NCAM2: variants seen among roughly 807,000 people sequenced by gnomAD.
NCAM2 encodes neural cell adhesion molecule 2.
A neutral mutation model predicts 98.1 loss-of-function variants in NCAM2; 30 were observed. That is an observed-to-expected ratio of 0.31 (90% CI 0.23 to 0.41). The LOEUF is 0.41. Among genes scored for constraint, NCAM2 ranks in the 10% least tolerant of loss-of-function variants. The pLI is 1.00. For missense variants in NCAM2, 867 were observed against 1,005.8 expected (o/e 0.86, Z 1.87); for synonymous variants, 368 against 342.4 (o/e 1.07, Z -0.83).
chr21:21,062,046 T>A (rs1242306193), intron 1 of NCAM2, among the ~76,000 whole-genome samples: 1 of 152,154 alleles, frequency 6.6e-6, no homozygotes, highest in African/African-American at 2.4e-5. Context: ...ACTTAAATGA[T>A]AAAGGGAGGT....
At chr21:21,163,275 G>C (rs1446865823) in intron 1 of NCAM2, among the ~76,000 whole-genome samples, 1 of 152,074 alleles carries the variant, frequency 6.6e-6, no homozygotes, top group Non-Finnish European at 1.5e-5. Context: ...ATTACCTGTA[G>C]GAGAGAGCAG....
chr21:21,106,406 G>T (rs1849009619), intron 1 of NCAM2, among the ~76,000 whole-genome samples: 1 of 149,200 alleles, frequency 6.7e-6, no homozygotes, highest in African/African-American at 2.5e-5. Context: ...TCTTTATTTA[G>T]AGATTCTTTG....
intron 1 of NCAM2, among the ~76,000 whole-genome samples, chr21:21,016,640 A>G (rs1255681721): frequency 1.3e-5 from 2 of 152,168 alleles, no homozygotes; most frequent in East Asian, 3.9e-4. Flanking sequence ...AGGTAAGGCT[A>G]TTAACTTGCT....
chr21:21,236,615 C>G (rs558370163), intron 1 of NCAM2, among the ~76,000 whole-genome samples: 2 of 152,164 alleles, frequency 1.3e-5, no homozygotes, highest in South Asian at 4.1e-4. Context: ...ATAATAGTCT[C>G]CAAATATCCA....
At chr21:21,291,860 A>T (rs2147574045) in intron 4 of NCAM2, among the ~76,000 whole-genome samples, 1 of 151,554 alleles carries the variant, frequency 6.6e-6, no homozygotes, top group East Asian at 2.0e-4. Flanking sequence ...TTTTATGTGG[A>T]TATAAAGTCT....
intron 1 of NCAM2, among the ~76,000 whole-genome samples, chr21:21,127,597 C>T (rs2066854134): frequency 6.6e-6 from 1 of 151,958 alleles, no homozygotes; most frequent in South Asian, 2.1e-4. Flanking sequence ...ATTAACCAAC[C>T]TCTCTTCATT....
At chr21:21,122,212 CTT>C (rs775704628) in intron 1 of NCAM2, among the ~76,000 whole-genome samples, 6 of 152,116 alleles carry the variant, frequency 3.9e-5, no homozygotes, top group African/African-American at 1.2e-4. Context: ...AATTTGATAA[CTT>C]AATATTTTAA....
chr21:21,169,026 T>G (rs2146830762), intron 1 of NCAM2, among the ~76,000 whole-genome samples: 1 of 152,286 alleles, frequency 6.6e-6, no homozygotes, highest in South Asian at 2.1e-4. Context: ...GACTCCATTA[T>G]TAGACTTTAA....
chr21:21,343,350 TATACAC>T (rs202161845), intron 8 of NCAM2, among the ~76,000 whole-genome samples: 2,120 of 77,988 alleles, frequency 0.027, 29 homozygotes, highest in Non-Finnish European at 0.031. Flanking sequence ...AACAACTATC[TATACAC>T]ATACACACAC....
rs1056245779 is a variant in NCAM2 at position 21,447,812 on chromosome 21, A to G, written c.1654+15531A>G. Among the ~76,000 whole-genome samples the G allele has an allele frequency of 3.3e-5, 5 of 152,208 alleles. No individual in the cohort carries two copies. In the East Asian group the frequency reaches 7.7e-4, roughly 23 times the overall value. ...GAATAAAAGCTTAACATCACTGATC[A>G]TTAGAGAAATGCAAATCAAAACCAT... On this transcript the variant is annotated intron_variant, in intron 12 of 17. Coordinates refer to ENST00000400546, the MANE Select transcript of NCAM2 (RefSeq NM_004540.5).
chr21:21,205,214 A>G (rs570545277), intron 1 of NCAM2, among the ~76,000 whole-genome samples: 160 of 152,296 alleles, frequency 1.1e-3, no homozygotes, highest in African/African-American at 3.7e-3. Flanking sequence ...CAAACTGAAC[A>G]TTTGTTTATT....
chr21:21,451,693 A>G (rs1981096559), intron 12 of NCAM2, among the ~76,000 whole-genome samples: 3 of 152,152 alleles, frequency 2.0e-5, no homozygotes, highest in Non-Finnish European at 4.4e-5. Flanking sequence ...CCCCTTGGTG[A>G]CAGGACAAGC....
At chr21:21,014,443 T>C (rs2146152716) in intron 1 of NCAM2, among the ~76,000 whole-genome samples, 1 of 151,154 alleles carries the variant, frequency 6.6e-6, no homozygotes, top group Non-Finnish European at 1.5e-5. Flanking sequence ...AAAAAAAAAT[T>C]ATGCCAAATC....
At chr21:21,519,015 C>G (rs1247665594) in intron 16 of NCAM2, among the ~76,000 whole-genome samples, 1 of 152,048 alleles carries the variant, frequency 6.6e-6, no homozygotes, top group Non-Finnish European at 1.5e-5. Flanking sequence ...AATCAAGGGA[C>G]AGAACATTCT....
chr21:21,411,797 T>A (rs1001433556), intron 10 of NCAM2, among the ~76,000 whole-genome samples: 2 of 152,148 alleles, frequency 1.3e-5, no homozygotes, highest in African/African-American at 2.4e-5. Context: ...TTTAAAAAAA[T>A]TCGTTTGATA....
chr21:21,225,918 T>C (rs1204737056), intron 1 of NCAM2, among the ~76,000 whole-genome samples: 1 of 152,034 alleles, frequency 6.6e-6, no homozygotes, highest in Non-Finnish European at 1.5e-5. Flanking sequence ...AGACATGGGA[T>C]CAACCTCGGT....
chr21:21,500,061 TA>T (rs954899927), intron 15 of NCAM2, among the ~76,000 whole-genome samples: 1 of 152,174 alleles, frequency 6.6e-6, no homozygotes, highest in Non-Finnish European at 1.5e-5. Flanking sequence ...TGGAAGTGGA[TA>T]CTCAGCTCTT....
At chr21:21,385,597 GTTT>G in intron 9 of NCAM2, 1 of 1,279,984 alleles carries the variant, frequency 7.8e-7, no homozygotes, top group Non-Finnish European at 1.0e-6. Context: ...CCTCTTTTGT[GTTT>G]CAGCTTAAAC....
chr21:21,472,199 A>G (rs1984525229), intron 14 of NCAM2, among the ~76,000 whole-genome samples: 1 of 151,992 alleles, frequency 6.6e-6, no homozygotes, highest in Admixed American at 6.6e-5. Context: ...TTCCTTAACT[A>G]AAATAATTGG....
Sources: gnomAD v4.1 joint callset for allele counts (sites outside exome capture counted in the v4.1 genomes callset) on GRCh38, gnomAD v4.1.1 for gene constraint, MANE v1.5 for transcripts, NCBI Gene and HGNC (gene_info 2026-07-23, HGNC 2026-07-21) for gene names.